The following ZFP91 variants were observed in gnomAD, a reference collection of about 807,000 sequenced individuals.
ZFP91 encodes E3 ubiquitin-protein ligase ZFP91.
In ZFP91, 7 loss-of-function variants were observed where a neutral mutation model predicts 63.5. The ratio of observed to expected loss-of-function variants is 0.11; its 90% CI spans 0.06 to 0.21. The LOEUF is 0.21. Ranked by LOEUF, ZFP91 falls within the 10% of genes least tolerant of loss-of-function variation. The probability of loss-of-function intolerance (pLI) is 1.00; values close to 1 mark genes in which losing one functional copy is unlikely to be tolerated. For synonymous variants in ZFP91, 330 were observed against 272.1 expected (o/e 1.21, Z -2.10); for missense variants, 628 against 736.6 (o/e 0.85, Z 1.71).
Position 58,579,210 on chromosome 11 carries a change from G to A in ZFP91, c.-72G>A. 7.9e-7 allele frequency: 1 copy of A among 1,265,728 alleles called. No homozygotes were observed. Among genetic ancestry groups the A allele is most frequent in the Non-Finnish European group, 1.0e-6 (1 of 979,818 alleles). 78.4% of individuals were successfully genotyped at this position (1,265,728 alleles called of 1,614,324 possible). On this transcript the variant is annotated 5_prime_UTR_variant, in exon 1 of 11. Coordinates refer to ENST00000316059, the MANE Select transcript of ZFP91 (RefSeq NM_053023.5). ...AGGCTTCGGGAGGCGAGGGGGCGGG[G>A]GGAGCAGCGCCGAGGCCGCCGCCTC...
chr11:58,600,678 C>T (rs547173729), intron 2 of ZFP91, among the ~76,000 whole-genome samples: 1 of 152,134 alleles, frequency 6.6e-6, no homozygotes, highest in South Asian at 2.1e-4. Context: ...TTGGCTAGAA[C>T]TTCCAGTACA....
intron 1 of ZFP91, 66 bp downstream of exon 1, chr11:58,579,688 C>G: frequency 1.4e-6 from 2 of 1,395,856 alleles, no homozygotes; most frequent in Non-Finnish European, 1.9e-6. Context: ...CTCTCGGCTC[C>G]CGTAGCGCCT....
At chr11:58,605,324 G>A (rs1855553487) in intron 2 of ZFP91, among the ~76,000 whole-genome samples, 1 of 152,176 alleles carries the variant, frequency 6.6e-6, no homozygotes, top group Non-Finnish European at 1.5e-5. Flanking sequence ...GGAGAAAAAG[G>A]AGTTAGAAAT....
chr11:58,614,415 G>A (rs1278593405), intron 9 of ZFP91, 72 bp downstream of exon 9: 3 of 1,120,162 alleles, frequency 2.7e-6, no homozygotes, highest in Admixed American at 2.3e-5. Context: ...TAATGATAAC[G>A]TTTTTCTAAC....
chr11:58,604,900 A>T (rs1185786726), intron 2 of ZFP91, among the ~76,000 whole-genome samples: 1 of 152,152 alleles, frequency 6.6e-6, no homozygotes. Context: ...TTTTTTGTTA[A>T]TCCATTCTGC....
At chr11:58,605,933 T>A (rs1590624698) in intron 2 of ZFP91, among the ~76,000 whole-genome samples, 1 of 152,196 alleles carries the variant, frequency 6.6e-6, no homozygotes, top group Admixed American at 6.5e-5. Flanking sequence ...TCTTTTTTTC[T>A]TTATATTCTT....
At position 58,621,209 on chromosome 11, in the gene ZFP91, A is replaced by G. The variant is rs1036105161; in HGVS notation, c.*3503A>G. Among the ~76,000 whole-genome samples the G allele has an allele frequency of 6.6e-6, 1 of 152,160 alleles. No homozygotes were observed. The highest frequency in any genetic ancestry group is 2.4e-5 in the African/African-American group (1 of 41,438). The stretch of plus-strand genomic sequence containing the variant: ...AATTTTTGACTGTTCTTGATTTCTA[A>G]TGCTGAAATGACATGATTCTGTTAT... On this transcript the variant is annotated 3_prime_UTR_variant, in exon 11 of 11. Transcript: ENST00000316059.
rs1161863951 is a variant in ZFP91 at position 58,611,592 on chromosome 11, T to A, written c.723-12T>A. 1 of 1,610,206 alleles carries A rather than the reference T, an allele frequency of 6.2e-7. No homozygotes were observed. Among genetic ancestry groups the A allele is most frequent in the African/African-American group, 1.3e-5 (1 of 74,640 alleles). ...TCTTTTGTCTAGTATTGAAATGCAT[T>A]TGTGTTTTCAGGGAAACCCCAAAGC... On this transcript the variant is annotated splice_polypyrimidine_tract_variant and intron_variant, in intron 5 of 10. Transcript: ENST00000316059.
intron 2 of ZFP91, among the ~76,000 whole-genome samples, chr11:58,601,519 T>C (rs1344695831): frequency 6.6e-6 from 1 of 152,188 alleles, no homozygotes; most frequent in East Asian, 1.9e-4. Flanking sequence ...AACCAACTTA[T>C]TTACTTTATT....
At chr11:58,609,052 A>G (rs376239067) in intron 2 of ZFP91, among the ~76,000 whole-genome samples, 16 of 152,238 alleles carry the variant, frequency 1.1e-4, no homozygotes, top group African/African-American at 2.2e-4. Context: ...AGAATCTTCT[A>G]TTGTTAAAAT....
Position 58,615,586 on chromosome 11 carries a change from G to A in ZFP91, c.1103-1130G>A, listed in dbSNP as rs192115322. Among the ~76,000 whole-genome samples the A allele has an allele frequency of 3.3e-5, 5 of 152,250 alleles. No homozygotes were observed. In the East Asian group the frequency reaches 9.6e-4, roughly 29 times the overall value. ...GCCCCACACAGGTTTGTCCTGCTAT[G>A]GAACTGGAAATGTGGACATGACCTG... On this transcript the variant is annotated intron_variant, in intron 9 of 10. Coordinates refer to ENST00000316059, the MANE Select transcript of ZFP91 (RefSeq NM_053023.5).
chr11:58,614,097 A>T, intron 8 of ZFP91, 132 bp from the exon 9 acceptor site: 1 of 509,966 alleles, frequency 2.0e-6, no homozygotes, highest in Non-Finnish European at 3.4e-6. Flanking sequence ...CCACTTTATT[A>T]TACTCCCTCA....
chr11:58,612,904 A>G, intron 8 of ZFP91, 64 bp downstream of exon 8: 1 of 1,414,944 alleles, frequency 7.1e-7, no homozygotes, highest in Non-Finnish European at 9.8e-7. Flanking sequence ...TTGCACCACG[A>G]GACTTTAATT....
At chr11:58,597,023 A>G (rs1296244224) in intron 2 of ZFP91, among the ~76,000 whole-genome samples, 1 of 152,148 alleles carries the variant, frequency 6.6e-6, no homozygotes, top group East Asian at 1.9e-4. Context: ...AACACCTTTG[A>G]TGTTAAATTC....
chr11:58,620,724 T>A lies in ZFP91; in HGVS notation c.*3018T>A, dbSNP rs538145600. On this transcript the variant is annotated 3_prime_UTR_variant, in exon 11 of 11. Coordinates refer to ENST00000316059, the MANE Select transcript of ZFP91 (RefSeq NM_053023.5). ...TCTAACTAAGATTATTATAGTCTGG[T>A]TGTTTGAAATACCATTTTTTTCTCC... is the stretch of plus-strand genomic sequence containing the variant. 36 of 152,786 alleles carry A rather than the reference T, an allele frequency of 2.4e-4. No individual in the cohort carries two copies. Among genetic ancestry groups the A allele is most frequent in the African/African-American group, 7.0e-4 (29 of 41,592 alleles). The allele number at this position is 152,786 out of a possible 1,614,324, so 9.5% of individuals were successfully genotyped here. A position where few individuals can be genotyped will look rare whatever the true frequency, so the allele number is the denominator to read the frequency against.
intron 9 of ZFP91, 95 bp downstream of exon 9, chr11:58,614,438 A>G (rs1855717168): frequency 2.2e-6 from 2 of 892,584 alleles, no homozygotes; most frequent in Non-Finnish European, 3.2e-6. Flanking sequence ...AAGTCTTAAA[A>G]GATTCTATAG....
intron 2 of ZFP91, 127 bp downstream of exon 2, chr11:58,585,011 GTTAGAAAATAT>G (rs1487750369): frequency 1.4e-6 from 1 of 698,954 alleles, no homozygotes; most frequent in Non-Finnish European, 2.1e-6. Context: ...AATTACTGGA[GTTAGAAAATAT>G]TTAGACGACA....
At chr11:58,606,432 C>T (rs1175723391) in intron 2 of ZFP91, among the ~76,000 whole-genome samples, 1 of 152,110 alleles carries the variant, frequency 6.6e-6, no homozygotes, top group African/African-American at 2.4e-5. Flanking sequence ...CATATTTCTT[C>T]TGATTTCCTT....
At chr11:58,603,084 A>T (rs913686552) in intron 2 of ZFP91, among the ~76,000 whole-genome samples, 4 of 152,170 alleles carry the variant, frequency 2.6e-5, no homozygotes, top group African/African-American at 9.7e-5. Context: ...GAAATGATGA[A>T]CATGTTATTG....
Sources: gnomAD v4.1 joint callset for allele counts (sites outside exome capture counted in the v4.1 genomes callset) on GRCh38, gnomAD v4.1.1 for gene constraint, MANE v1.5 for transcripts, NCBI Gene and HGNC (gene_info 2026-07-23, HGNC 2026-07-21) for gene names.